Variants in HAUS1 observed in about 807,000 individuals in gnomAD.
The protein encoded by HAUS1 is HAUS augmin-like complex subunit 1.
In HAUS1, 25 loss-of-function variants were observed where a neutral mutation model predicts 38.6. The ratio of observed to expected loss-of-function variants is 0.65; its 90% confidence interval spans 0.47 to 0.91. The LOEUF is 0.91. Ranked by LOEUF, HAUS1 falls within the 40% of genes least tolerant of loss-of-function variation. The pLI, the probability that HAUS1 is intolerant of heterozygous loss-of-function variation, is 0.00. For missense variants in HAUS1, 325 were observed against 328.4 expected, an observed-to-expected ratio of 0.99 and a Z score of 0.08; for synonymous variants, 109 against 112.9, an observed-to-expected ratio of 0.97 and a Z score of 0.22.
chr18:46,110,334 T>TTTTG (rs1911589911), intron 2 of HAUS1, among the ~76,000 whole-genome samples: 1 of 36,130 alleles, frequency 2.8e-5, no homozygotes, highest in East Asian at 7.2e-4. Context: ...TTTTTTAAGG[T>TTTTG]TTTTTTTTTT....
intron 2 of HAUS1, among the ~76,000 whole-genome samples, chr18:46,117,064 T>C (rs1404862704): frequency 6.6e-6 from 1 of 152,212 alleles, no homozygotes; most frequent in Non-Finnish European, 1.5e-5. Flanking sequence ...TGTGGAAAAT[T>C]GGAGCCTTCA....
rs370593835 is a variant in HAUS1 at position 46,111,885 on chromosome 18, CTTT to C, written c.206-6282_206-6280del. On this transcript the variant is annotated intron_variant, in intron 2 of 8. Transcript: ENST00000282058. ...GGCTCTCTTCATTTTCTTTTCTTTT[CTTT>C]TTTTTTTTTTTTTATGAGATGGAGT... is the stretch of plus-strand genomic sequence containing the variant. Among the ~76,000 whole-genome samples the C allele has an allele frequency of 7.9e-3, 1,061 of 134,390 alleles. 3 individuals are homozygous for C. The highest frequency in any genetic ancestry group is 0.027 in the African/African-American group (976 of 36,198). The allele number at this position is 134,390 out of a possible 152,430, so 88.2% of individuals were successfully genotyped here.
At chr18:46,105,076 G>C in intron 1 of HAUS1, 118 bp from the exon 2 acceptor site, 1 of 614,760 alleles carries the variant, frequency 1.6e-6, no homozygotes. Context: ...TGTGAAGTAG[G>C]ACTCCAAAAT....
chr18:46,121,577 G>A (rs1269352325), intron 4 of HAUS1: 1 of 151,850 alleles, frequency 6.6e-6, no homozygotes, highest in African/African-American at 2.4e-5. Context: ...AAAAATAACA[G>A]CAATATTTTC....
chr18:46,122,395 TAG>T lies in HAUS1; in HGVS notation c.477-69_477-68del, dbSNP rs1407445505. 12 of 1,491,252 alleles carry T rather than the reference TAG, an allele frequency of 8.0e-6. No individual in the cohort carries two copies. The Admixed American group carries it at 1.6e-4, about 19-fold the overall frequency. 92.4% of individuals were successfully genotyped at this position (1,491,252 alleles called of 1,614,324 possible). On this transcript the variant is annotated intron_variant, in intron 4 of 8. Coordinates refer to ENST00000282058, the MANE Select transcript of HAUS1 (RefSeq NM_138443.4). ...AAGCCAGCATTGAATCCAAAAGTAG[TAG>T]AGTTTCTATTGTACAATACTTTTAC... is the stretch of plus-strand genomic sequence containing the variant.
intron 2 of HAUS1, among the ~76,000 whole-genome samples, chr18:46,105,590 G>GTA (rs753647390): frequency 0.018 from 2,548 of 143,484 alleles, 28 homozygotes; most frequent in East Asian, 0.046. Context: ...GTGTGTGTGT[G>GTA]TGTATATATT....
chr18:46,127,684 G>C (rs1912146387), intron 8 of HAUS1, among the ~76,000 whole-genome samples: 1 of 150,292 alleles, frequency 6.7e-6, no homozygotes, highest in African/African-American at 2.5e-5. Context: ...CTCCAGCCTG[G>C]GCGACAGAGT....
At position 46,118,316 on chromosome 18, in the gene HAUS1, G is replaced by A. The variant is rs1277043154; in HGVS notation, c.341G>A (p.Ser114Asn). The A allele has an allele frequency of 3.1e-6, 5 of 1,613,356 alleles. No individual in the cohort carries two copies. In the African/African-American group the frequency reaches 6.7e-5, roughly 22 times the overall value. ...GAAACAAAGGATACCTCGCTAGCTA[G>A]GTAATTCTTATGACAGTTTTAATTT... Reference protein sequence around the residue: ...ALETKDTSLASFIPAVNDLTS... With the variant: ...ALETKDTSLANFIPAVNDLTS... The change falls in exon 3 of 9, where the codon AGT becomes AAT. Residue 114 changes from serine to asparagine, a missense_variant and splice_region_variant. Coordinates refer to ENST00000282058, the MANE Select transcript of HAUS1 (RefSeq NM_138443.4).
chr18:46,112,307 A>G (rs1053573096), intron 2 of HAUS1, among the ~76,000 whole-genome samples: 2 of 128,444 alleles, frequency 1.6e-5, no homozygotes, highest in South Asian at 2.2e-4. Context: ...TATATTCCAT[A>G]TTATATATAA....
intron 2 of HAUS1, among the ~76,000 whole-genome samples, chr18:46,110,333 GTTTTTTTT>G (rs71160713): frequency 6.0e-5 from 3 of 50,014 alleles, no homozygotes; most frequent in African/African-American, 8.7e-5. Flanking sequence ...TTTTTTTAAG[GTTTTTTTT>G]TTTTTTTTTT....
intron 3 of HAUS1, among the ~76,000 whole-genome samples, chr18:46,119,508 G>A (rs556530330): frequency 2.7e-4 from 40 of 150,412 alleles, no homozygotes; most frequent in Non-Finnish European, 1.0e-4. Flanking sequence ...ATTATGTTTT[G>A]TGCCTTCTTA....
intron 4 of HAUS1, chr18:46,121,829 A>C (rs1911950134): frequency 6.6e-6 from 1 of 152,048 alleles, no homozygotes; most frequent in Non-Finnish European, 1.5e-5. Context: ...CTCTACAAAA[A>C]AATTATTTAT....
rs780878051 is a variant in HAUS1 at position 46,105,378 on chromosome 18, A to G, written c.205+10A>G. On this transcript the variant is annotated intron_variant, in intron 2 of 8. Transcript: ENST00000282058. The stretch of plus-strand genomic sequence containing the variant: ...GAATACGAGTCAGAAGGTGAGATTA[A>G]GTCCAGAGTTTTGAACGAGAATAAA... 1 of 1,604,994 alleles carries G rather than the reference A, an allele frequency of 6.2e-7. No homozygotes were observed. The highest frequency in any genetic ancestry group is 1.7e-5 in the Admixed American group (1 of 58,490).
chr18:46,110,152 C>CTTTTTTTT (rs869105132), intron 2 of HAUS1, among the ~76,000 whole-genome samples: 3 of 115,370 alleles, frequency 2.6e-5, no homozygotes, highest in African/African-American at 3.5e-5. Context: ...TTATTTTGTC[C>CTTTTTTTT]TTTTTTTTTT....
chr18:46,118,393 T>G (rs1352093970), intron 3 of HAUS1, 77 bp downstream of exon 3: 2 of 1,408,234 alleles, frequency 1.4e-6, no homozygotes, highest in African/African-American at 2.9e-5. Flanking sequence ...CTCAGCATAA[T>G]TCTATATGAA....
At chr18:46,126,858 G>A (rs1358412391) in intron 8 of HAUS1, 3 of 147,098 alleles carry the variant, frequency 2.0e-5, no homozygotes, top group African/African-American at 7.6e-5. Context: ...ATTTTGAGAT[G>A]GAGTCTTGCT....
rs535922438 is a variant in HAUS1 at position 46,127,600 on chromosome 18, G to A, written c.787-475G>A. Among the ~76,000 whole-genome samples, 77 of 151,906 alleles carry A rather than the reference G, an allele frequency of 5.1e-4. 1 individual carries two copies. Among genetic ancestry groups the A allele is most frequent in the African/African-American group, 1.7e-3 (72 of 41,460 alleles). On this transcript the variant is annotated intron_variant, in intron 8 of 8. Coordinates refer to ENST00000282058, the MANE Select transcript of HAUS1 (RefSeq NM_138443.4). Reference sequence around the variant, plus strand: ...TGGGCGCCTGTAATCTCAGCTAGTCGGGAGACTGAGGTAGAGAATTGCTTG... The same window carrying A: ...TGGGCGCCTGTAATCTCAGCTAGTCAGGAGACTGAGGTAGAGAATTGCTTG...
intron 2 of HAUS1, chr18:46,106,625 T>C (rs1218898279): frequency 1.3e-5 from 2 of 152,176 alleles, no homozygotes; most frequent in African/African-American, 4.8e-5. Context: ...TTTAATCAGA[T>C]GTATGGTATT....
chr18:46,110,694 T>TC (rs1019247402), intron 2 of HAUS1, among the ~76,000 whole-genome samples: 34 of 152,104 alleles, frequency 2.2e-4, no homozygotes, highest in African/African-American at 8.2e-4. Context: ...GGCTGTGCCT[T>TC]CATTTTTTAA....
Sources: allele counts gnomAD v4.1 joint callset (sites outside exome capture counted in the v4.1 genomes callset), GRCh38; gene constraint gnomAD v4.1.1; transcripts MANE v1.5; gene names NCBI Gene and HGNC (gene_info 2026-07-23, HGNC 2026-07-21).